Variants in LTB4R observed in about 807,000 individuals in gnomAD.
The protein encoded by LTB4R is leukotriene B4 receptor.
For missense variants in LTB4R, 470 were observed against 485.6 expected, an observed-to-expected ratio of 0.97 and a Z score of 0.30; for synonymous variants, 250 against 230.7, an observed-to-expected ratio of 1.08 and a Z score of -0.76.
rs769892544 is a variant in LTB4R, at chr14:24,316,459, C to G, written c.808C>G (p.Leu270Val). The stretch of plus-strand genomic sequence containing the variant: ...GCGGCTGAGCCTGGCCCGCAACGTG[C>G]TCATCGCACTCGCCTTCCTGAGCAG... ...GKRLSLARNV[L>V]IALAFLSSSV... is the part of the protein sequence containing the mutation. The change falls in exon 2 of 2, where the codon CTC becomes GTC. Residue 270 changes from leucine to valine, a missense_variant. Coordinates refer to ENST00000345363, the MANE Select transcript of LTB4R (RefSeq NM_001143919.3). The G allele has an allele frequency of 1.3e-6, 2 of 1,565,164 alleles. No individual in the cohort carries two copies. The highest frequency in any genetic ancestry group is 1.7e-6 in the Non-Finnish European group (2 of 1,158,088).
chr14:24,313,085 G>A (rs924836794), intron 1 of LTB4R, among the ~76,000 whole-genome samples: 1 of 152,182 alleles, frequency 6.6e-6, no homozygotes, highest in Non-Finnish European at 1.5e-5. Context: ...AACTAGAACA[G>A]CAGGGAGTAT....
chr14:24,315,552 T>A, intron 1 of LTB4R, 85 bp from the exon 2 acceptor site: 3 of 821,396 alleles, frequency 3.7e-6, no homozygotes, highest in Non-Finnish European at 5.9e-6. Context: ...GGAGATAGAC[T>A]AGAGTTCTCA....
Position 24,316,773 on chromosome 14 carries a change from C to T in LTB4R, c.*63C>T. ...TGCTAGCTCTGAGCCAGTTCAGTACCTGGAGGAGGAGCAGGGGCGTGGAGG... is the reference window on the plus strand; with the variant it reads ...TGCTAGCTCTGAGCCAGTTCAGTACTTGGAGGAGGAGCAGGGGCGTGGAGG... On this transcript the variant is annotated 3_prime_UTR_variant, in exon 2 of 2. Transcript: ENST00000345363. The T allele has an allele frequency of 3.0e-6, 4 of 1,345,532 alleles. No individual in the cohort carries two copies. Among genetic ancestry groups the T allele is most frequent in the Non-Finnish European group, 3.9e-6 (4 of 1,018,586 alleles). 83.3% of individuals were successfully genotyped at this position (1,345,532 alleles called of 1,614,324 possible).
In LTB4R at chr14:24,311,689, A is replaced by G. The variant is rs768997959; in HGVS notation, c.-131A>G. 40 of 1,608,676 alleles carry G rather than the reference A, an allele frequency of 2.5e-5. No homozygotes were observed. Among genetic ancestry groups the G allele is most frequent in the Middle Eastern group, 3.3e-4 (2 of 6,058 alleles). On this transcript the variant is annotated 5_prime_UTR_variant, in exon 1 of 2. An upstream start codon of the reference 5' UTR is lost. Transcript: ENST00000345363. ...AAAGTGGTGGGGCAGGGCCGCGGCA[A>G]TGGAGACCCGGGGGGTGGGATGGAG...
rs755133394 is a variant in LTB4R, at chr14:24,316,031, A to C, written c.380A>C (p.Lys127Thr). The C allele has an allele frequency of 1.9e-6, 3 of 1,613,806 alleles. No individual in the cohort carries two copies. The South Asian group carries it at 3.3e-5, about 18-fold the overall frequency. The change falls in exon 2 of 2, where the codon AAG becomes ACG. Residue 127 changes from lysine (K) to threonine (T), a missense_variant. Lys to Thr is a moderately conservative substitution (Grantham distance 78). Transcript: ENST00000345363. The stretch of plus-strand genomic sequence containing the variant: ...GTGGCCCGCCCCTTTGTGTCCCAGA[A>C]GCTACGCACCAAGGCGATGGCCCGG... Reference protein sequence around the residue: ...LAVARPFVSQKLRTKAMARRV... With the variant: ...LAVARPFVSQTLRTKAMARRV...
Position 24,315,714 on chromosome 14 carries a change from T to C in LTB4R, c.63T>C (p.Ala21=). 1 of 1,614,224 alleles carries C rather than the reference T, an allele frequency of 6.2e-7. No individual in the cohort carries two copies. The highest frequency in any genetic ancestry group is 8.5e-7 in the Non-Finnish European group (1 of 1,180,032). ...SLGVEFISLL[A]IILLSVALAV... ...GTGTAGAGTTCATCTCTCTGCTGGCTATCATCCTGCTGTCAGTGGCGCTGG... is the reference window on the plus strand; with the variant it reads ...GTGTAGAGTTCATCTCTCTGCTGGCCATCATCCTGCTGTCAGTGGCGCTGG... Residue 21 remains alanine (A), a synonymous_variant, in exon 2 of 2, where the codon GCT becomes GCC. Coordinates refer to ENST00000345363, the MANE Select transcript of LTB4R (RefSeq NM_001143919.3).
chr14:24,315,547 T>TA, intron 1 of LTB4R, 90 bp from the exon 2 acceptor site: 1 of 779,768 alleles, frequency 1.3e-6, no homozygotes, highest in Non-Finnish European at 2.1e-6. Context: ...ACCCTGGAGA[T>TA]AGACTAGAGT....
chr14:24,313,197 C>T (rs1594639927), intron 1 of LTB4R: 1 of 152,200 alleles, frequency 6.6e-6, no homozygotes, highest in South Asian at 2.1e-4. Context: ...CAGTTTCTGT[C>T]TGAAGGGGCC....
chr14:24,311,736 C>CT lies in LTB4R; in HGVS notation c.-81dup, dbSNP rs779286668. 108 of 1,575,842 alleles carry CT rather than the reference C, an allele frequency of 6.9e-5. No homozygotes were observed. In the East Asian group the frequency reaches 2.4e-3, roughly 35 times the overall value. On this transcript the variant is annotated 5_prime_UTR_variant, in exon 1 of 2. It removes the in-frame stop codon of an upstream open reading frame in the 5' UTR. Transcript: ENST00000345363. ...GGAGAAGGACGGTCCGGAATGGGAC[C>CT]TTTGACAGCAGACCCTACAACCTGC... is the stretch of plus-strand genomic sequence containing the variant.
intron 1 of LTB4R, chr14:24,314,523 GCAAAA>G (rs989052465): frequency 1.1e-4 from 17 of 152,262 alleles, no homozygotes; most frequent in African/African-American, 4.1e-4. Flanking sequence ...TTAAAACAAA[GCAAAA>G]CAAAACAAAA....
chr14:24,315,713 C>T lies in LTB4R; in HGVS notation c.62C>T (p.Ala21Val). Residue 21 changes from alanine (A) to valine (V), a missense_variant, in exon 2 of 2, where the codon GCT (alanine) becomes GTT (valine). Physicochemically the swap from Ala to Val is moderately conservative, Grantham distance 64. Transcript: ENST00000345363. The stretch of plus-strand genomic sequence containing the variant: ...GGTGTAGAGTTCATCTCTCTGCTGG[C>T]TATCATCCTGCTGTCAGTGGCGCTG... ...SLGVEFISLL[A>V]IILLSVALAV... is the part of the protein sequence containing the mutation. 4 of 1,614,230 alleles carry T rather than the reference C, an allele frequency of 2.5e-6. No individual in the cohort carries two copies. The highest frequency in any genetic ancestry group is 3.4e-6 in the Non-Finnish European group (4 of 1,180,032).
At position 24,316,963 on chromosome 14, in the gene LTB4R, C is replaced by A. The variant is rs1382408621; in HGVS notation, c.*253C>A. The A allele has an allele frequency of 7.4e-6, 3 of 406,120 alleles. No homozygotes were observed. In the East Asian group the frequency reaches 1.2e-4, roughly 17 times the overall value. 25.2% of individuals were successfully genotyped at this position (406,120 alleles called of 1,614,324 possible). On this transcript the variant is annotated 3_prime_UTR_variant, in exon 2 of 2. Coordinates refer to ENST00000345363, the MANE Select transcript of LTB4R (RefSeq NM_001143919.3). ...TTTGGTCAACCTTGTGAGTGGGGTA[C>A]ATGTGCTGTGGGTATCGGGGTGCTC... is the stretch of plus-strand genomic sequence containing the variant.
In LTB4R at chr14:24,315,942, C is replaced by T. The variant is rs1176886230; in HGVS notation, c.291C>T (p.Cys97=). Residue 97 remains cysteine, a synonymous_variant, in exon 2 of 2, where the codon TGC becomes TGT. Transcript: ENST00000345363. Reference sequence around the variant, plus strand: ...GTTGCCGCCTGTGTCACTATGTCTGCGGAGTCAGCATGTACGCCAGCGTCC... The same window carrying T: ...GTTGCCGCCTGTGTCACTATGTCTGTGGAGTCAGCATGTACGCCAGCGTCC... ...LAGCRLCHYV[C]GVSMYASVLL... is the part of the protein sequence containing the mutation. The T allele has an allele frequency of 1.4e-5, 23 of 1,614,120 alleles. No homozygotes were observed. Among genetic ancestry groups the T allele is most frequent in the Non-Finnish European group, 1.9e-5 (22 of 1,180,042 alleles).
Position 24,316,713 on chromosome 14 carries a change from C to T in LTB4R, c.*3C>T. 4 of 1,519,008 alleles carry T rather than the reference C, an allele frequency of 2.6e-6. No individual in the cohort carries two copies. The highest frequency in any genetic ancestry group is 1.2e-5 in the South Asian group (1 of 81,850). 94.1% of individuals were successfully genotyped at this position (1,519,008 alleles called of 1,614,324 possible). Reference sequence around the variant, plus strand: ...TCAAGTTAAACGAACTGAACTAGGCCTGGTGGAAGGAGGCGCACTTTCCTC... The same window carrying T: ...TCAAGTTAAACGAACTGAACTAGGCTTGGTGGAAGGAGGCGCACTTTCCTC... On this transcript the variant is annotated 3_prime_UTR_variant, in exon 2 of 2. Coordinates refer to ENST00000345363, the MANE Select transcript of LTB4R (RefSeq NM_001143919.3).
At chr14:24,311,927 A>G in intron 1 of LTB4R, 123 bp downstream of exon 1, 1 of 613,248 alleles carries the variant, frequency 1.6e-6, no homozygotes, top group Non-Finnish European at 2.9e-6. Flanking sequence ...GAGGGTGGTG[A>G]TGGTCCCTGT....
intron 1 of LTB4R, among the ~76,000 whole-genome samples, chr14:24,315,246 G>A (rs2139182052): frequency 6.6e-6 from 1 of 152,298 alleles, no homozygotes; most frequent in South Asian, 2.1e-4. Flanking sequence ...ATGGGATTGA[G>A]GGGCTGAGGG....
In LTB4R at chr14:24,316,292, G is replaced by C. The variant is rs751311323; in HGVS notation, c.641G>C (p.Arg214Pro). 1.3e-5 allele frequency: 21 copies of C among 1,601,990 alleles called. No individual in the cohort carries two copies. The East Asian group carries it at 3.6e-4, about 27-fold the overall frequency. Residue 214 changes from arginine to proline, a missense_variant, in exon 2 of 2, where the codon CGC (arginine) becomes CCC (proline). Transcript: ENST00000345363. ...IGRRLQARRF[R>P]RSRRTGRLVV... ...CGTCGGCTACAGGCCCGGCGCTTCC[G>C]CCGCAGCCGCCGCACCGGCCGCCTG...
Position 24,315,775 on chromosome 14 carries a change from A to G in LTB4R, c.124A>G (p.Ser42Gly). 6.2e-7 allele frequency: 1 copy of G among 1,614,206 alleles called. No individual in the cohort carries two copies. Among genetic ancestry groups the G allele is most frequent in the Non-Finnish European group, 8.5e-7 (1 of 1,180,034 alleles). Residue 42 changes from serine (S) to glycine (G), a missense_variant, in exon 2 of 2, where the codon AGT becomes GGT. Ser to Gly is a moderately conservative substitution (Grantham distance 56). Coordinates refer to ENST00000345363, the MANE Select transcript of LTB4R (RefSeq NM_001143919.3). ...TCCCGGCAACAGCTTTGTGGTGTGGAGTATCCTGAAAAGGATGCAGAAGCG... is the reference window on the plus strand; with the variant it reads ...TCCCGGCAACAGCTTTGTGGTGTGGGGTATCCTGAAAAGGATGCAGAAGCG... ...GLPGNSFVVWSILKRMQKRSV... is the reference protein window; with the variant it reads ...GLPGNSFVVWGILKRMQKRSV...
rs781101201 is a variant in LTB4R at position 24,316,036 on chromosome 14, C to T, written c.385C>T (p.Arg129Cys). The change falls in exon 2 of 2, where the codon CGC becomes TGC. Residue 129 changes from arginine (R) to cysteine (C), a missense_variant. By Grantham distance (180) the Arg-to-Cys change is radical (BLOSUM62 -3). Coordinates refer to ENST00000345363, the MANE Select transcript of LTB4R (RefSeq NM_001143919.3). ...CCGCCCCTTTGTGTCCCAGAAGCTA[C>T]GCACCAAGGCGATGGCCCGGCGGGT... ...VARPFVSQKL[R>C]TKAMARRVLA... 3 of 1,613,650 alleles carry T rather than the reference C, an allele frequency of 1.9e-6. No individual in the cohort carries two copies. The highest frequency in any genetic ancestry group is 1.1e-5 in the South Asian group (1 of 91,084).
Sources: allele counts gnomAD v4.1 joint callset (sites outside exome capture counted in the v4.1 genomes callset), GRCh38; gene constraint gnomAD v4.1.1; transcripts MANE v1.5; gene names NCBI Gene and HGNC (gene_info 2026-07-23, HGNC 2026-07-21).